The following SMOC2 variants were observed in gnomAD, a reference collection of about 807,000 sequenced individuals.
SMOC2 encodes SPARC-related modular calcium-binding protein 2.
In SMOC2, 39 loss-of-function variants were observed where a neutral mutation model predicts 61.4. That is an observed-to-expected ratio of 0.64 (90% CI 0.49 to 0.83). SMOC2 has a LOEUF of 0.83. Among genes scored for constraint, SMOC2 ranks in the 40% least tolerant of loss-of-function variants. The pLI, the probability that SMOC2 is intolerant of heterozygous loss-of-function variation, is 0.00. For synonymous variants in SMOC2, 247 were observed against 239.9 expected, an observed-to-expected ratio of 1.03 and a Z score of -0.27; for missense variants, 556 against 592.9, an observed-to-expected ratio of 0.94 and a Z score of 0.65.
intron 1 of SMOC2, among the ~76,000 whole-genome samples, chr6:168,445,046 C>T (rs1427458767): frequency 1.3e-5 from 2 of 152,168 alleles, no homozygotes; most frequent in East Asian, 1.9e-4. Context: ...TAAGGTCATA[C>T]GCACGACTTC....
chr6:168,563,018 C>CT (rs1314663649), intron 7 of SMOC2, among the ~76,000 whole-genome samples: 1 of 152,256 alleles, frequency 6.6e-6, no homozygotes, highest in Non-Finnish European at 1.5e-5. Context: ...GGAGTGGAGA[C>CT]TCGCTGTGTG....
intron 9 of SMOC2, among the ~76,000 whole-genome samples, chr6:168,637,408 T>G (rs1048716964): frequency 2.6e-5 from 4 of 152,188 alleles, no homozygotes; most frequent in Admixed American, 2.6e-4. Flanking sequence ...TCCTGCATGC[T>G]CATCACCTTA....
chr6:168,631,638 G>T (rs1786573229), intron 9 of SMOC2, among the ~76,000 whole-genome samples: 1 of 152,158 alleles, frequency 6.6e-6, no homozygotes, highest in East Asian at 1.9e-4. Flanking sequence ...ACATTGGTTT[G>T]GTGAGCTTGT....
chr6:168,666,292 C>A, intron 12 of SMOC2, 129 bp from the exon 13 acceptor site: 1 of 841,920 alleles, frequency 1.2e-6, no homozygotes, highest in Non-Finnish European at 1.8e-6. Flanking sequence ...CTTACTCATA[C>A]TTACACCTCA....
chr6:168,451,446 C>G (rs1172120099), intron 1 of SMOC2, among the ~76,000 whole-genome samples: 1 of 152,162 alleles, frequency 6.6e-6, no homozygotes, highest in East Asian at 1.9e-4. Context: ...ATTAAGGTGC[C>G]TGTAAGAATA....
chr6:168,510,833 G>A (rs570408990), intron 2 of SMOC2, among the ~76,000 whole-genome samples: 1 of 152,260 alleles, frequency 6.6e-6, no homozygotes, highest in Non-Finnish European at 1.5e-5. Flanking sequence ...TATAATACCA[G>A]GTAAACAGAT....
intron 7 of SMOC2, among the ~76,000 whole-genome samples, chr6:168,578,790 G>T (rs996073341): frequency 1.3e-5 from 2 of 152,222 alleles, no homozygotes; most frequent in Non-Finnish European, 2.9e-5. Flanking sequence ...AGAATTGGAC[G>T]TGGGTAATGG....
intron 7 of SMOC2, among the ~76,000 whole-genome samples, chr6:168,562,013 CAA>C (rs1784428683): frequency 7.2e-5 from 1 of 13,880 alleles, no homozygotes; most frequent in African/African-American, 1.1e-3. Flanking sequence ...CCCTGAGACA[CAA>C]GGCTCTCACT....
intron 7 of SMOC2, among the ~76,000 whole-genome samples, chr6:168,595,153 TCTA>T (rs1421541333): frequency 1.3e-4 from 16 of 126,686 alleles, no homozygotes; most frequent in African/African-American, 5.0e-4. Flanking sequence ...GGGGCATCTT[TCTA>T]GAGGATCGCC....
intron 1 of SMOC2, among the ~76,000 whole-genome samples, chr6:168,499,521 G>A (rs192458368): frequency 6.6e-6 from 1 of 152,178 alleles, no homozygotes; most frequent in South Asian, 2.1e-4. Context: ...GGCAGATGGG[G>A]CAGTGATGAG....
At chr6:168,548,785 G>A (rs562087223) in intron 6 of SMOC2, among the ~76,000 whole-genome samples, 7 of 151,124 alleles carry the variant, frequency 4.6e-5, no homozygotes, top group East Asian at 1.9e-4. Context: ...GAGTGAAAAC[G>A]TTGTATGTTA....
intron 2 of SMOC2, among the ~76,000 whole-genome samples, chr6:168,511,382 C>G (rs1783004342): frequency 6.6e-6 from 1 of 152,056 alleles, no homozygotes; most frequent in African/African-American, 2.4e-5. Flanking sequence ...GCAGGAAGGA[C>G]AAGTGCCAAG....
In SMOC2 at chr6:168,501,474, C is replaced by T. The variant is rs186525070; in HGVS notation, c.85-8441C>T. On this transcript the variant is annotated intron_variant, in intron 1 of 12. Transcript: ENST00000356284. ...TATGGGGCCAGGAACCTGCATCGTC[C>T]CTCCCTCGCCACGGGGCCAGGAACC... 7.0e-3 allele frequency among the ~76,000 whole-genome samples: 1,064 copies of T among 151,600 alleles called. 18 individuals carry two copies. The highest frequency in any genetic ancestry group is 0.024 in the African/African-American group (1,007 of 41,216).
chr6:168,602,931 C>G (rs1785589777), intron 8 of SMOC2, among the ~76,000 whole-genome samples: 2 of 152,056 alleles, frequency 1.3e-5, no homozygotes, highest in Non-Finnish European at 2.9e-5. Flanking sequence ...TGGGGAGTGA[C>G]AGGGTTTGGC....
intron 1 of SMOC2, among the ~76,000 whole-genome samples, chr6:168,462,069 G>A (rs74811716): frequency 0.021 from 3,216 of 151,886 alleles, 112 homozygotes; most frequent in African/African-American, 0.072. Flanking sequence ...TCTTTATGGT[G>A]GGCCTCCTTG....
intron 2 of SMOC2, among the ~76,000 whole-genome samples, chr6:168,522,009 T>A (rs1042246589): frequency 6.6e-6 from 1 of 152,240 alleles, no homozygotes; most frequent in African/African-American, 2.4e-5. Context: ...AAGTTTTTAT[T>A]TGGTCTAGTA....
intron 9 of SMOC2, among the ~76,000 whole-genome samples, chr6:168,614,303 C>T (rs1362873618): frequency 4.1e-5 from 3 of 72,464 alleles, no homozygotes; most frequent in Admixed American, 1.5e-4. Context: ...CTCTTCACAC[C>T]TACAGCCAGC....
At chr6:168,466,255 C>A (rs1436985745) in intron 1 of SMOC2, among the ~76,000 whole-genome samples, 1 of 149,990 alleles carries the variant, frequency 6.7e-6, no homozygotes, top group Admixed American at 6.7e-5. Flanking sequence ...CTGGATGAAG[C>A]GAGGTGCTGC....
chr6:168,477,775 C>T (rs1379838952), intron 1 of SMOC2, among the ~76,000 whole-genome samples: 1 of 152,106 alleles, frequency 6.6e-6, no homozygotes, highest in Non-Finnish European at 1.5e-5. Context: ...GAACCATCCC[C>T]TAATGTGCTT....
Sources: allele counts gnomAD v4.1 joint callset (sites outside exome capture counted in the v4.1 genomes callset), GRCh38; gene constraint gnomAD v4.1.1; transcripts MANE v1.5; gene names NCBI Gene and HGNC (gene_info 2026-07-23, HGNC 2026-07-21).